Variants in PDE11A observed in about 807,000 individuals in gnomAD.
The protein encoded by PDE11A is phosphodiesterase 11A, also known as dual 3',5'-cyclic-AMP and -GMP phosphodiesterase 11A.
Under a neutral mutation model 100.5 loss-of-function variants are expected in PDE11A, and 100 were observed. The ratio of observed to expected loss-of-function variants is 1.00; its 90% CI spans 0.85 to 1.18. The LOEUF (loss-of-function observed/expected upper bound fraction) is 1.18, where lower values mean the gene tolerates loss of function less well. Among genes scored for constraint, PDE11A ranks in the 50% most tolerant of loss-of-function variants. PDE11A has a pLI of 0.00. For missense variants in PDE11A, 1,141 were observed against 1,152.6 expected (o/e 0.99, Z 0.15); for synonymous variants, 381 against 420.8 (o/e 0.91, Z 1.16).
intron 5 of PDE11A, among the ~76,000 whole-genome samples, chr2:177,859,770 T>C (rs1240113383): frequency 6.6e-6 from 1 of 151,458 alleles, no homozygotes; most frequent in Non-Finnish European, 1.5e-5. Flanking sequence ...AAAAAAAAAA[T>C]TCTCCAAACA....
At chr2:177,896,168 C>T (rs1215054728) in intron 4 of PDE11A, among the ~76,000 whole-genome samples, 1 of 152,074 alleles carries the variant, frequency 6.6e-6, no homozygotes, top group Admixed American at 6.5e-5. Flanking sequence ...GCGCTGTTAT[C>T]GTTTGTACCA....
At chr2:177,898,030 C>T (rs778464316) in intron 4 of PDE11A, 28 bp downstream of exon 4, 7 of 1,565,106 alleles carry the variant, frequency 4.5e-6, no homozygotes, top group Non-Finnish European at 6.2e-6. Flanking sequence ...ACACAGTCTT[C>T]AACTTTAAAA....
chr2:177,741,255 C>T (rs944920167), intron 10 of PDE11A, among the ~76,000 whole-genome samples: 5 of 152,280 alleles, frequency 3.3e-5, no homozygotes, highest in East Asian at 1.9e-4. Flanking sequence ...GCTGCCTTCT[C>T]GCTACGTGCT....
chr2:177,937,607 G>A (rs562598640), intron 2 of PDE11A, among the ~76,000 whole-genome samples: 16 of 152,292 alleles, frequency 1.1e-4, no homozygotes, highest in African/African-American at 2.6e-4. Flanking sequence ...GTGAGCCACC[G>A]CGTCCAGGCC....
chr2:178,047,283 G>C (rs1434053949), intron 1 of PDE11A, among the ~76,000 whole-genome samples: 1 of 152,028 alleles, frequency 6.6e-6, no homozygotes, highest in African/African-American at 2.4e-5. Flanking sequence ...CCAACACAGT[G>C]AAACCCCGTC....
chr2:177,727,948 T>G (rs186368693), intron 11 of PDE11A, 78 bp downstream of exon 11: 1 of 1,296,548 alleles, frequency 7.7e-7, no homozygotes, highest in Non-Finnish European at 1.1e-6. Flanking sequence ...CATTTTGTAT[T>G]TGGGAAACCA....
At chr2:177,944,193 T>C (rs961961939) in intron 2 of PDE11A, among the ~76,000 whole-genome samples, 1 of 152,116 alleles carries the variant, frequency 6.6e-6, no homozygotes, top group Non-Finnish European at 1.5e-5. Context: ...CTATGAAGGA[T>C]GAAAATAAAG....
intron 10 of PDE11A, among the ~76,000 whole-genome samples, chr2:177,743,351 C>T (rs911041113): frequency 1.3e-5 from 2 of 152,120 alleles, no homozygotes; most frequent in Non-Finnish European, 2.9e-5. Context: ...AGAACAAGGA[C>T]ATATAAAGAG....
rs78400059 is a variant in PDE11A, at chr2:177,680,252, T to G, written c.2423+574A>C. ...GTGGAGAGAGTAGAAGGATGGGGTATGAGAGAAAGAGGAATAGTGCCCACT... is the reference window on the plus strand; with the variant it reads ...GTGGAGAGAGTAGAAGGATGGGGTAGGAGAGAAAGAGGAATAGTGCCCACT... On this transcript the variant is annotated intron_variant, in intron 16 of 19. Coordinates refer to ENST00000286063, the MANE Select transcript of PDE11A (RefSeq NM_016953.4). 9.5e-3 allele frequency among the ~76,000 whole-genome samples: 1,451 copies of G among 152,062 alleles called. 22 individuals carry two copies. Among genetic ancestry groups the G allele is most frequent in the African/African-American group, 0.034 (1,397 of 41,478 alleles).
At chr2:177,735,817 A>C (rs2081770535) in intron 10 of PDE11A, among the ~76,000 whole-genome samples, 1 of 152,156 alleles carries the variant, frequency 6.6e-6, no homozygotes, top group African/African-American at 2.4e-5. Context: ...TCCAGGACTG[A>C]CTTCTGTTCG....
At chr2:177,919,345 C>T (rs2085003641) in intron 2 of PDE11A, among the ~76,000 whole-genome samples, 1 of 152,120 alleles carries the variant, frequency 6.6e-6, no homozygotes, top group Non-Finnish European at 1.5e-5. Flanking sequence ...GATCCGCCCA[C>T]CTCGGCCTCC....
intron 1 of PDE11A, among the ~76,000 whole-genome samples, chr2:178,018,878 A>T (rs532538317): frequency 1.3e-5 from 2 of 152,312 alleles, no homozygotes; most frequent in African/African-American, 4.8e-5. Flanking sequence ...AAAGTTTGAG[A>T]GGATTTGTAT....
At chr2:178,075,761 G>C (rs10174337), upstream of PDE11A, among the ~76,000 whole-genome samples, 1,476 of 152,150 alleles carry the variant, frequency 9.7e-3, 19 homozygotes, top group African/African-American at 0.034. Flanking sequence ...ATCTGTATAA[G>C]ATCTGAAAGG....
chr2:177,858,744 G>A (rs2083888600), intron 5 of PDE11A, among the ~76,000 whole-genome samples: 1 of 152,112 alleles, frequency 6.6e-6, no homozygotes. Flanking sequence ...TCCCATTACT[G>A]GGTATATACC....
chr2:177,788,412 A>T (rs542323681), intron 9 of PDE11A, among the ~76,000 whole-genome samples: 1 of 150,632 alleles, frequency 6.6e-6, no homozygotes, highest in South Asian at 2.2e-4. Context: ...AATTTATAGC[A>T]CTAAATGCCT....
At chr2:177,796,881 A>C in intron 9 of PDE11A, among the ~76,000 whole-genome samples, 1 of 152,166 alleles carries the variant, frequency 6.6e-6, no homozygotes, top group East Asian at 1.9e-4. Flanking sequence ...TCCAGAAAAA[A>C]GTGAGCTGCT....
intron 2 of PDE11A, among the ~76,000 whole-genome samples, chr2:178,093,796 A>T (rs2087452776): frequency 6.6e-6 from 1 of 152,212 alleles, no homozygotes; most frequent in Non-Finnish European, 1.5e-5. Flanking sequence ...GTTTTACACC[A>T]TGGAGGACCA....
chr2:178,071,773 C>T lies in PDE11A; in HGVS notation c.665G>A (p.Ser222Asn). ...GCAGACAAAGATGAGAATCTTGTAG[C>T]TCAGGCTGGTGAGGTCAAGGTCATT... The part of the protein sequence containing the change: ...ISNDLDLTSL[S>N]YKILIFVCLM... The change falls in exon 1 of 20, where the codon AGC becomes AAC. Residue 222 changes from serine to asparagine, a missense_variant. Transcript: ENST00000286063. The T allele has an allele frequency of 6.2e-7, 1 of 1,613,706 alleles. No homozygotes were observed. Among genetic ancestry groups the T allele is most frequent in the African/African-American group, 1.3e-5 (1 of 75,040 alleles).
intron 14 of PDE11A, among the ~76,000 whole-genome samples, chr2:177,698,937 T>G (rs934808): frequency 6.6e-6 from 1 of 152,184 alleles, no homozygotes; most frequent in Non-Finnish European, 1.5e-5. Context: ...GGTCCAGCGA[T>G]GCACCCAGAA....
Sources: gnomAD v4.1 joint callset for allele counts (sites outside exome capture counted in the v4.1 genomes callset) on GRCh38, gnomAD v4.1.1 for gene constraint, MANE v1.5 for transcripts, NCBI Gene and HGNC (gene_info 2026-07-23, HGNC 2026-07-21) for gene names.